Variants in EPHA6 observed in about 807,000 individuals in gnomAD.
EPHA6 encodes the protein ephrin type-A receptor 6.
EPHA6 carries 50 observed loss-of-function variants against 112.0 expected under a neutral mutation model. The observed-to-expected ratio is 0.45, with a 90% CI of 0.36 to 0.56. The LOEUF (loss-of-function observed/expected upper bound fraction) is 0.56, where lower values mean the gene tolerates loss of function less well. EPHA6 is among the 20% of genes least tolerant of loss of function. EPHA6 has a pLI of 0.00. For synonymous variants in EPHA6, 529 were observed against 490.7 expected (o/e 1.08, Z -1.03); for missense variants, 1,280 against 1,417.4 (o/e 0.90, Z 1.56).
intron 3 of EPHA6, among the ~76,000 whole-genome samples, chr3:97,114,996 C>G (rs1429683000): frequency 2.0e-5 from 3 of 151,882 alleles, no homozygotes; most frequent in Non-Finnish European, 4.4e-5. Context: ...GATAGACAAG[C>G]CTGATTTTGT....
intron 13 of EPHA6, among the ~76,000 whole-genome samples, chr3:97,623,201 G>T (rs1401309736): frequency 6.6e-6 from 1 of 151,626 alleles, no homozygotes; most frequent in Admixed American, 6.6e-5. Context: ...TGAAGGTTTT[G>T]CACTGTGTTT....
In EPHA6 at chr3:96,814,604, C is replaced by A; in HGVS notation, c.-20C>A. The A allele has an allele frequency of 7.2e-7, 1 of 1,383,642 alleles. No individual in the cohort carries two copies. The highest frequency in any genetic ancestry group is 2.0e-5 in the South Asian group (1 of 50,346). The allele number at this position is 1,383,642 out of a possible 1,614,324, so 85.7% of individuals were successfully genotyped here. ...CCGGCCCAAGTGAATAGTCCTCGCGCAAGCGGGACACTGTGGTGGATGCAA... is the reference window on the plus strand; with the variant it reads ...CCGGCCCAAGTGAATAGTCCTCGCGAAAGCGGGACACTGTGGTGGATGCAA... On this transcript the variant is annotated 5_prime_UTR_variant, in exon 1 of 18. Coordinates refer to ENST00000389672, the MANE Select transcript of EPHA6 (RefSeq NM_001080448.3).
rs570952271 is a variant in EPHA6 at position 96,815,055 on chromosome 3, G to A, written c.385+47G>A. On this transcript the variant is annotated intron_variant, in intron 1 of 17. Coordinates refer to ENST00000389672, the MANE Select transcript of EPHA6 (RefSeq NM_001080448.3). ...CGGGAGTGGGTGGGAGGAGGAGGGT[G>A]CTTGGAGAACCAGGGTACTGGTTGC... 3 of 1,459,704 alleles carry A rather than the reference G, an allele frequency of 2.1e-6. No individual in the cohort carries two copies. The East Asian group carries it at 7.5e-5, about 37-fold the overall frequency. The allele number at this position is 1,459,704 out of a possible 1,614,324, so 90.4% of individuals were successfully genotyped here. A position where few individuals can be genotyped will look rare whatever the true frequency, so the allele number is the denominator to read the frequency against.
At chr3:97,591,125 A>C (rs1380851092) in intron 11 of EPHA6, among the ~76,000 whole-genome samples, 1 of 152,170 alleles carries the variant, frequency 6.6e-6, no homozygotes, top group Non-Finnish European at 1.5e-5. Flanking sequence ...TAAAATCAAC[A>C]ACAAAACTAG....
At chr3:97,537,277 A>C (rs1311020699) in intron 11 of EPHA6, among the ~76,000 whole-genome samples, 3 of 152,118 alleles carry the variant, frequency 2.0e-5, no homozygotes, top group Admixed American at 6.5e-5. Context: ...CCTGAGGTTC[A>C]GCTCCTAGTT....
At chr3:96,863,610 T>C (rs2107440943) in intron 1 of EPHA6, among the ~76,000 whole-genome samples, 1 of 152,106 alleles carries the variant, frequency 6.6e-6, no homozygotes, top group South Asian at 2.1e-4. Context: ...ACAAAAAATG[T>C]TTTCTAAGCA....
chr3:97,242,013 C>T (rs934111424), intron 4 of EPHA6, among the ~76,000 whole-genome samples: 1 of 151,600 alleles, frequency 6.6e-6, no homozygotes, highest in East Asian at 1.9e-4. Flanking sequence ...CTACGTTTAT[C>T]CCTGTTCTCT....
intron 3 of EPHA6, among the ~76,000 whole-genome samples, chr3:97,063,878 C>T (rs1006599607): frequency 1.3e-5 from 2 of 151,912 alleles, no homozygotes; most frequent in African/African-American, 2.4e-5. Flanking sequence ...TCAATTTTTA[C>T]AAAACAAGCA....
intron 3 of EPHA6, among the ~76,000 whole-genome samples, chr3:97,147,520 T>C (rs1206146890): frequency 6.6e-6 from 1 of 152,104 alleles, no homozygotes; most frequent in African/African-American, 2.4e-5. Flanking sequence ...ACTTTTCTTG[T>C]TATAAAGGTG....
At chr3:96,970,287 C>CGAGA (rs138222062) in intron 2 of EPHA6, among the ~76,000 whole-genome samples, 7 of 147,574 alleles carry the variant, frequency 4.7e-5, no homozygotes, top group Non-Finnish European at 1.1e-4. Context: ...ACACACAGAG[C>CGAGA]GAGAGAGAGA....
intron 6 of EPHA6, among the ~76,000 whole-genome samples, chr3:97,435,096 C>G (rs962024558): frequency 1.1e-4 from 17 of 152,024 alleles, no homozygotes; most frequent in African/African-American, 4.1e-4. Context: ...TTCTACCCTA[C>G]TTGGTTGGTC....
chr3:97,039,272 T>C (rs370108936), intron 3 of EPHA6, among the ~76,000 whole-genome samples: 150 of 152,012 alleles, frequency 9.9e-4, no homozygotes, highest in African/African-American at 3.5e-3. Flanking sequence ...AAAATGATAG[T>C]GTAGGAAGTA....
intron 11 of EPHA6, among the ~76,000 whole-genome samples, chr3:97,544,251 T>C (rs2107685301): frequency 6.6e-6 from 1 of 152,256 alleles, no homozygotes; most frequent in Admixed American, 6.5e-5. Context: ...CTCTTATTAT[T>C]TTGAGATACG....
chr3:97,194,364 G>A (rs1576659259), intron 3 of EPHA6, among the ~76,000 whole-genome samples: 1 of 151,344 alleles, frequency 6.6e-6, no homozygotes, highest in African/African-American at 2.4e-5. Flanking sequence ...ATTTTCATGT[G>A]TTTTGATAGT....
intron 11 of EPHA6, among the ~76,000 whole-genome samples, chr3:97,542,898 G>A (rs1166051684): frequency 6.6e-6 from 1 of 152,160 alleles, no homozygotes; most frequent in African/African-American, 2.4e-5. Context: ...GTCTTCTTGT[G>A]AGAAGTGTCT....
intron 2 of EPHA6, among the ~76,000 whole-genome samples, chr3:96,950,761 T>TTATATTGCTA (rs1462658552): frequency 2.6e-5 from 4 of 152,148 alleles, no homozygotes; most frequent in Non-Finnish European, 5.9e-5. Flanking sequence ...CTGTTTGTAT[T>TTATATTGCTA]TATATTGCTA....
chr3:97,241,217 A>T (rs777119872), intron 4 of EPHA6, among the ~76,000 whole-genome samples: 2 of 151,838 alleles, frequency 1.3e-5, no homozygotes, highest in Non-Finnish European at 2.9e-5. Context: ...ATTGTAGCAT[A>T]ACTAATAGAA....
intron 13 of EPHA6, among the ~76,000 whole-genome samples, chr3:97,617,182 T>G (rs2093773943): frequency 6.6e-6 from 1 of 152,070 alleles, no homozygotes; most frequent in African/African-American, 2.4e-5. Flanking sequence ...CAAACTAAGC[T>G]TCATAAGAAA....
chr3:97,592,601 T>A lies in EPHA6; in HGVS notation c.2387-11T>A. 6.2e-7 allele frequency: 1 copy of A among 1,613,042 alleles called. No individual in the cohort carries two copies. Among genetic ancestry groups the A allele is most frequent in the Non-Finnish European group, 8.5e-7 (1 of 1,179,446 alleles). On this transcript the variant is annotated splice_polypyrimidine_tract_variant and intron_variant, in intron 11 of 17. Transcript: ENST00000389672. ...AGACTTTGATTAATGTCAATTTTTA[T>A]CTCTTAAAAGGATCCTTCCCGGCCA... is the stretch of plus-strand genomic sequence containing the variant.
Sources: allele counts gnomAD v4.1 joint callset (sites outside exome capture counted in the v4.1 genomes callset), GRCh38; gene constraint gnomAD v4.1.1; transcripts MANE v1.5; gene names NCBI Gene and HGNC (gene_info 2026-07-23, HGNC 2026-07-21).